Variants in SRGAP1 observed in about 807,000 individuals in gnomAD.
The protein encoded by SRGAP1 is SLIT-ROBO Rho GTPase-activating protein 1.
A neutral mutation model predicts 121.9 loss-of-function variants in SRGAP1; 43 were observed. The observed-to-expected ratio is 0.35, with a 90% CI of 0.28 to 0.46. The LOEUF is 0.46. Ranked by LOEUF, SRGAP1 falls within the 20% of genes least tolerant of loss-of-function variation. SRGAP1 has a pLI of 1.00. For synonymous variants in SRGAP1, 447 were observed against 485.4 expected, an observed-to-expected ratio of 0.92 and a Z score of 1.04; for missense variants, 1,102 against 1,350.9, an observed-to-expected ratio of 0.82 and a Z score of 2.89.
At chr12:63,871,944 C>T (rs11175195) in intron 1 of SRGAP1, 139,565 of 1,187,678 alleles carry the variant, frequency 0.12, 12,727 homozygotes, top group East Asian at 0.38. Flanking sequence ...ATCATAGCAC[C>T]TCTTTCCCTG....
intron 1 of SRGAP1, among the ~76,000 whole-genome samples, chr12:63,930,932 C>T (rs559801010): frequency 5.3e-5 from 8 of 152,124 alleles, no homozygotes; most frequent in Non-Finnish European, 1.0e-4. Flanking sequence ...TTTATCCTTG[C>T]ATGCCTCTTA....
intron 14 of SRGAP1, among the ~76,000 whole-genome samples, chr12:64,096,097 T>C (rs1358253427): frequency 3.3e-5 from 5 of 152,200 alleles, no homozygotes; most frequent in Non-Finnish European, 7.3e-5. Context: ...GCATTGGCCA[T>C]CTTCAGGGTA....
At chr12:64,056,911 T>C (rs1281400849) in intron 6 of SRGAP1, among the ~76,000 whole-genome samples, 1 of 152,126 alleles carries the variant, frequency 6.6e-6, no homozygotes, top group Non-Finnish European at 1.5e-5. Flanking sequence ...TTCCCCTAAC[T>C]CTCCCTATTC....
chr12:63,998,764 TAGAG>T (rs1410531705), intron 3 of SRGAP1, among the ~76,000 whole-genome samples: 6 of 152,112 alleles, frequency 3.9e-5, no homozygotes, highest in Non-Finnish European at 2.9e-5. Flanking sequence ...TGAACTTCCT[TAGAG>T]AGATAATTAT....
intron 8 of SRGAP1, among the ~76,000 whole-genome samples, chr12:64,076,667 G>T (rs2035743458): frequency 6.6e-6 from 1 of 151,486 alleles, no homozygotes; most frequent in Non-Finnish European, 1.5e-5. Context: ...TTTTTTTTGA[G>T]ACAGAGTCTC....
chr12:64,054,054 A>ATAACAATAAAATT lies in SRGAP1; in HGVS notation c.802-8863_802-8862insTAACAATAAAATT, dbSNP rs1184994359. 3.9e-4 allele frequency among the ~76,000 whole-genome samples: 59 copies of ATAACAATAAAATT among 152,248 alleles called. No homozygotes were observed. In the East Asian group the frequency reaches 0.01, roughly 26 times the overall value. On this transcript the variant is annotated intron_variant, in intron 6 of 21. Coordinates refer to ENST00000355086, the MANE Select transcript of SRGAP1 (RefSeq NM_020762.4). ...ACACCTTCAAAATGTATTCAGAGAA[A>ATAACAATAAAATT]CTCAGTCCTCAACAATAAAATTCTA... is the stretch of plus-strand genomic sequence containing the variant.
At chr12:64,041,203 A>T (rs1003344655) in intron 4 of SRGAP1, among the ~76,000 whole-genome samples, 2 of 152,106 alleles carry the variant, frequency 1.3e-5, no homozygotes, top group Admixed American at 1.3e-4. Flanking sequence ...TCATATAGAC[A>T]AATACTATGT....
chr12:64,095,222 C>A lies in SRGAP1; in HGVS notation c.1678+18C>A. 6.2e-7 allele frequency: 1 copy of A among 1,607,844 alleles called. No individual in the cohort carries two copies. ...TGAGAGAGGTAATTGCACGTCTATC[C>A]CTATAAGCAAACCACGTTGAAAAGT... On this transcript the variant is annotated intron_variant, in intron 14 of 21. Transcript: ENST00000355086.
At chr12:64,022,175 A>G (rs1014998958) in intron 4 of SRGAP1, among the ~76,000 whole-genome samples, 59 of 152,098 alleles carry the variant, frequency 3.9e-4, no homozygotes, top group African/African-American at 1.4e-3. Context: ...GTGTGTGTGC[A>G]TGTGCAAAGT....
rs756544021 is a variant in SRGAP1 at position 63,990,008 on chromosome 12, A to G, written c.362A>G (p.Tyr121Cys). Residue 121 changes from tyrosine to cysteine, a missense_variant, in exon 3 of 22, where the codon TAT becomes TGT. Around this residue, in one of 3 missense-constraint regions of SRGAP1, gnomAD observed 747 missense variants for 929.4 expected, o/e 0.80. Coordinates refer to ENST00000355086, the MANE Select transcript of SRGAP1 (RefSeq NM_020762.4). ...SKDHATLSDI[Y>C]LNNVIMRFMQ... ...GACCATGCAACCTTGAGTGACATCT[A>G]TCTGAACAATGTGATTATGCGGTTC... 8 of 1,613,866 alleles carry G rather than the reference A, an allele frequency of 5.0e-6. No individual in the cohort carries two copies. The highest frequency in any genetic ancestry group is 2.2e-5 in the South Asian group (2 of 91,036).
intron 21 of SRGAP1, among the ~76,000 whole-genome samples, chr12:64,132,804 A>T (rs1467005772): frequency 6.6e-6 from 1 of 152,272 alleles, no homozygotes; most frequent in African/African-American, 2.4e-5. Context: ...CTCTCCGAGT[A>T]AGATTATGAC....
chr12:64,049,295 A>G (rs565682146), intron 6 of SRGAP1, among the ~76,000 whole-genome samples: 1 of 152,306 alleles, frequency 6.6e-6, no homozygotes, highest in Admixed American at 6.5e-5. Context: ...CCATTATCAC[A>G]CTGCTATAAA....
chr12:64,098,438 G>C (rs2036200990), intron 15 of SRGAP1, among the ~76,000 whole-genome samples: 1 of 151,520 alleles, frequency 6.6e-6, no homozygotes, highest in African/African-American at 2.4e-5. Flanking sequence ...AACTCCCCAA[G>C]GTGGGCTTAT....
chr12:64,115,980 C>T (rs1298897377), intron 18 of SRGAP1, 87 bp downstream of exon 18: 2 of 1,239,976 alleles, frequency 1.6e-6, no homozygotes, highest in African/African-American at 1.5e-5. Context: ...AGAGGCAAAG[C>T]ACAGTGGCTC....
intron 18 of SRGAP1, among the ~76,000 whole-genome samples, chr12:64,116,994 T>C (rs1374017767): frequency 1.3e-5 from 2 of 152,198 alleles, no homozygotes; most frequent in Non-Finnish European, 2.9e-5. Flanking sequence ...CAGCAGGCTC[T>C]GGGGCATTAG....
chr12:63,907,905 T>G (rs1404655247), intron 1 of SRGAP1, among the ~76,000 whole-genome samples: 6 of 152,230 alleles, frequency 3.9e-5, no homozygotes, highest in Admixed American at 3.9e-4. Flanking sequence ...AGGTCCATAT[T>G]CACTTTTTTG....
intron 15 of SRGAP1, among the ~76,000 whole-genome samples, chr12:64,108,165 G>T (rs1352881878): frequency 6.6e-6 from 1 of 152,182 alleles, no homozygotes; most frequent in Admixed American, 6.5e-5. Context: ...TACAAATAAT[G>T]TGTTGTAGTA....
In SRGAP1 at chr12:63,865,624, A is replaced by G. The variant is rs192386047; in HGVS notation, c.67+20741A>G. 3.9e-3 allele frequency among the ~76,000 whole-genome samples: 599 copies of G among 152,332 alleles called. 4 individuals are homozygous for G. The highest frequency in any genetic ancestry group is 0.017 in the Middle Eastern group (5 of 294). ...AGTCTGTTGGCGAGAGGTCAGGTGA[A>G]TATGGTGGATGAAGCAAAACTTTGT... On this transcript the variant is annotated intron_variant, in intron 1 of 21. Coordinates refer to ENST00000355086, the MANE Select transcript of SRGAP1 (RefSeq NM_020762.4).
chr12:63,846,755 C>T (rs1201214830), intron 1 of SRGAP1, among the ~76,000 whole-genome samples: 1 of 152,186 alleles, frequency 6.6e-6, no homozygotes, highest in East Asian at 1.9e-4. Context: ...CCTCCTCCTG[C>T]AGTACCTACA....
Sources: gnomAD v4.1 joint callset for allele counts (sites outside exome capture counted in the v4.1 genomes callset) on GRCh38, gnomAD v4.1.1 for gene constraint, gnomAD v4.1.1 regional missense constraint, MANE v1.5 for transcripts, NCBI Gene and HGNC (gene_info 2026-07-23, HGNC 2026-07-21) for gene names.